The following ERMARD variants were observed in gnomAD, a reference collection of about 807,000 sequenced individuals.
ERMARD encodes the protein ER membrane associated RNA degradation, also known as endoplasmic reticulum membrane-associated RNA degradation protein.
Under a neutral mutation model 83.9 loss-of-function variants are expected in ERMARD, and 71 were observed. The ratio of observed to expected loss-of-function variants is 0.85; its 90% CI spans 0.70 to 1.03. The LOEUF (loss-of-function observed/expected upper bound fraction) is 1.03, where lower values mean the gene tolerates loss of function less well. ERMARD is among the 50% of genes least tolerant of loss of function. The pLI, the probability that ERMARD is intolerant of heterozygous loss-of-function variation, is 0.00. For missense variants in ERMARD, 838 were observed against 810.9 expected (o/e 1.03, Z -0.41); for synonymous variants, 284 against 298.6 (o/e 0.95, Z 0.50).
intron 16 of ERMARD, among the ~76,000 whole-genome samples, chr6:169,776,971 G>C (rs965285141): frequency 6.6e-6 from 1 of 152,222 alleles, no homozygotes; most frequent in Non-Finnish European, 1.5e-5. Context: ...ATTTTAGGGA[G>C]ACATAAGACA....
intron 10 of ERMARD, chr6:169,767,782 G>C (rs1324758723): frequency 5.5e-5 from 15 of 271,702 alleles, no homozygotes; most frequent in East Asian, 1.6e-4. Flanking sequence ...CACACACACA[G>C]GCACAGTTGC....
upstream of ERMARD, chr6:169,751,539 A>C (rs1211848970): frequency 6.2e-7 from 1 of 1,610,482 alleles, no homozygotes; most frequent in East Asian, 2.2e-5. Flanking sequence ...GCGAGGGCGG[A>C]AGTCTCCCAC....
At chr6:169,756,587 T>G in intron 4 of ERMARD, 132 bp from the exon 5 acceptor site, 1 of 954,784 alleles carries the variant, frequency 1.0e-6, no homozygotes, top group Non-Finnish European at 1.6e-6. Flanking sequence ...TTTTGAATGA[T>G]TATGAAATCA....
Position 169,767,607 on chromosome 6 carries a change from CAT to C in ERMARD, c.991-495_991-494del, listed in dbSNP as rs1491254828. On this transcript the variant is annotated intron_variant, in intron 10 of 17. Coordinates refer to ENST00000366773, the MANE Select transcript of ERMARD (RefSeq NM_018341.3). ...CACATACCACACATACACACACACA[CAT>C]GAACACATACCTCCATGCCACACAG... 290 of 171,166 alleles carry C rather than the reference CAT, an allele frequency of 1.7e-3. 1 individual carries two copies. Among genetic ancestry groups the C allele is most frequent in the African/African-American group, 6.0e-3 (250 of 41,918 alleles). The allele number at this position is 171,166 out of a possible 1,614,324, so 10.6% of individuals were successfully genotyped here. A position where few individuals can be genotyped will look rare whatever the true frequency, so the allele number is the denominator to read the frequency against.
chr6:169,772,286 C>T (rs1374250932), intron 12 of ERMARD, among the ~76,000 whole-genome samples: 3 of 152,242 alleles, frequency 2.0e-5, no homozygotes, highest in African/African-American at 4.8e-5. Flanking sequence ...CACACATATG[C>T]TGCGTGTGTG....
intron 3 of ERMARD, 45 bp from the exon 4 acceptor site, chr6:169,756,293 G>A (rs1281682557): frequency 1.7e-6 from 2 of 1,171,548 alleles, no homozygotes; most frequent in East Asian, 2.5e-5. Flanking sequence ...GCTTTGAGAA[G>A]TAGTTTCAGA....
intron 4 of ERMARD, 59 bp from the exon 5 acceptor site, chr6:169,756,660 G>GT: frequency 2.1e-6 from 3 of 1,438,736 alleles, no homozygotes; most frequent in Non-Finnish European, 2.9e-6. Context: ...CATGGATAAT[G>GT]TTTTTAATGT....
intron 5 of ERMARD, 45 bp from the exon 6 acceptor site, chr6:169,758,923 T>G: frequency 2.7e-6 from 4 of 1,505,440 alleles, no homozygotes; most frequent in Non-Finnish European, 3.7e-6. Context: ...TATTGGTTTA[T>G]TCAGTAATTC....
At chr6:169,751,549 C>T, upstream of ERMARD, 6 of 1,610,842 alleles carry the variant, frequency 3.7e-6, no homozygotes, top group East Asian at 2.2e-5. Context: ...AAGTCTCCCA[C>T]CTGCGCCTCG....
At chr6:169,781,305 A>G (rs577685884) in intron 17 of ERMARD, 25 bp from the exon 18 acceptor site, 1 of 1,569,188 alleles carries the variant, frequency 6.4e-7, no homozygotes, top group Non-Finnish European at 8.6e-7. Flanking sequence ...TGGAATGGAT[A>G]AAGAAATTAA....
intron 3 of ERMARD, among the ~76,000 whole-genome samples, chr6:169,756,088 A>C (rs1425642487): frequency 6.6e-6 from 1 of 152,212 alleles, no homozygotes; most frequent in Non-Finnish European, 1.5e-5. Flanking sequence ...TGACTTTTCC[A>C]CTTAAATTGT....
intron 16 of ERMARD, among the ~76,000 whole-genome samples, chr6:169,777,897 A>C (rs1435630598): frequency 3.9e-5 from 6 of 152,122 alleles, no homozygotes; most frequent in African/African-American, 1.4e-4. Context: ...AAGTTCTTAT[A>C]ATTTGTATTC....
chr6:169,752,067 T>C (rs1264814555), intron 1 of ERMARD: 1 of 216,712 alleles, frequency 4.6e-6, no homozygotes, highest in African/African-American at 2.3e-5. Flanking sequence ...GGACAGTAAA[T>C]TTGTGTTCAT....
chr6:169,781,474 A>G lies in ERMARD; in HGVS notation c.1998A>G (p.Ile666Met), dbSNP rs199917562. The change falls in exon 18 of 18, where the codon ATA (isoleucine) becomes ATG (methionine). Residue 666 changes from isoleucine (I) to methionine (M), a missense_variant. Coordinates refer to ENST00000366773, the MANE Select transcript of ERMARD (RefSeq NM_018341.3). ...WTFSEKKQMLIHLAKKSTSKV... is the reference protein window; with the variant it reads ...WTFSEKKQMLMHLAKKSTSKV... ...TTAGTGAGAAGAAACAAATGTTAATACATTTAGCCAAGAAATCCACAAGTA... is the reference window on the plus strand; with the variant it reads ...TTAGTGAGAAGAAACAAATGTTAATGCATTTAGCCAAGAAATCCACAAGTA... 5 of 1,606,340 alleles carry G rather than the reference A, an allele frequency of 3.1e-6. No individual in the cohort carries two copies. Among genetic ancestry groups the G allele is most frequent in the Non-Finnish European group, 4.2e-6 (5 of 1,176,886 alleles).
In ERMARD at chr6:169,773,412, A is replaced by G. The variant is rs1419710862; in HGVS notation, c.1317+10A>G. On this transcript the variant is annotated intron_variant, in intron 13 of 17. Transcript: ENST00000366773. ...TCAGCTTAAAAAACAGGTATGCCAA[A>G]TGCAGGGTCCCGGGAGGGGCGTGTA... The G allele has an allele frequency of 1.2e-6, 2 of 1,614,046 alleles. No homozygotes were observed. The highest frequency in any genetic ancestry group is 1.3e-5 in the African/African-American group (1 of 75,056).
chr6:169,781,285 C>A, intron 17 of ERMARD, 45 bp from the exon 18 acceptor site: 1 of 1,502,942 alleles, frequency 6.7e-7, no homozygotes, highest in South Asian at 1.3e-5. Flanking sequence ...TTCATTGTTT[C>A]ATTTTATAAT....
intron 8 of ERMARD, among the ~76,000 whole-genome samples, chr6:169,762,025 C>G (rs1321023620): frequency 1.3e-5 from 2 of 151,780 alleles, no homozygotes; most frequent in Non-Finnish European, 2.9e-5. Context: ...TATCATTTCT[C>G]TTTGCTTTTG....
At chr6:169,751,339 T>C (rs146497400), upstream of ERMARD, 1 of 1,613,764 alleles carries the variant, frequency 6.2e-7, no homozygotes. Flanking sequence ...CCGCACTCAC[T>C]GCCTCCTTCT....
At chr6:169,762,335 A>G (rs1185654892) in intron 8 of ERMARD, 94 bp from the exon 9 acceptor site, 13 of 1,208,450 alleles carry the variant, frequency 1.1e-5, no homozygotes, top group Non-Finnish European at 1.5e-5. Flanking sequence ...TTGGCTTCCC[A>G]AAATGCTGGG....
Sources: allele counts gnomAD v4.1 joint callset (sites outside exome capture counted in the v4.1 genomes callset), GRCh38; gene constraint gnomAD v4.1.1; transcripts MANE v1.5; gene names NCBI Gene and HGNC (gene_info 2026-07-23, HGNC 2026-07-21).